The following NT5M variants were observed in gnomAD, a reference collection of about 807,000 sequenced individuals.
NT5M encodes 5'(3')-deoxyribonucleotidase, mitochondrial.
A neutral mutation model predicts 22.2 loss-of-function variants in NT5M; 22 were observed. The ratio of observed to expected loss-of-function variants is 0.99; its 90% confidence interval spans 0.71 to 1.41. The LOEUF is 1.41. NT5M is among the 40% of genes most tolerant of loss of function. The probability of loss-of-function intolerance (pLI) is 0.00; values close to 1 mark genes in which losing one functional copy is unlikely to be tolerated. For synonymous variants in NT5M, 167 were observed against 133.0 expected, an observed-to-expected ratio of 1.26 and a Z score of -1.76; for missense variants, 322 against 314.8, an observed-to-expected ratio of 1.02 and a Z score of -0.17.
At chr17:17,341,978 C>T (rs764531037) in intron 3 of NT5M, among the ~76,000 whole-genome samples, 1 of 151,992 alleles carries the variant, frequency 6.6e-6, no homozygotes, top group Non-Finnish European at 1.5e-5. Context: ...TTGCAGTGAG[C>T]CGAGATCGTG....
At chr17:17,331,962 A>G (rs994920021) in intron 3 of NT5M, among the ~76,000 whole-genome samples, 18 of 151,162 alleles carry the variant, frequency 1.2e-4, no homozygotes, top group Non-Finnish European at 7.4e-5. Flanking sequence ...TTGTATTTTT[A>G]GTAGAGGCAG....
intron 2 of NT5M, among the ~76,000 whole-genome samples, chr17:17,321,397 C>T (rs1445604525): frequency 2.0e-5 from 3 of 151,698 alleles, no homozygotes; most frequent in African/African-American, 7.3e-5. Context: ...CAGGTGGAGC[C>T]CAGGAGAAGG....
rs541523870 is a variant in NT5M at position 17,308,772 on chromosome 17, C to T, written c.368+2129C>T. 3.3e-5 allele frequency among the ~76,000 whole-genome samples: 5 copies of T among 152,314 alleles called. No homozygotes were observed. The South Asian group carries it at 1.0e-3, about 32-fold the overall frequency. On this transcript the variant is annotated intron_variant, in intron 2 of 4. Transcript: ENST00000389022. The stretch of plus-strand genomic sequence containing the variant: ...CCCCCATTCCTGTGCTCCCTGCCAG[C>T]CCCTGGCAACCACTAATCTACTTTC...
intron 3 of NT5M, among the ~76,000 whole-genome samples, chr17:17,335,151 A>AATACAC (rs1247096264): frequency 6.6e-6 from 1 of 151,776 alleles, no homozygotes; most frequent in Non-Finnish European, 1.5e-5. Context: ...AATATTTTAT[A>AATACAC]ATGGTAAATA....
intron 3 of NT5M, among the ~76,000 whole-genome samples, chr17:17,342,101 A>T (rs2049656038): frequency 6.6e-6 from 1 of 152,240 alleles, no homozygotes; most frequent in Non-Finnish European, 1.5e-5. Context: ...TATAAAAGCT[A>T]AAAGTATAAA....
At chr17:17,308,050 CA>C (rs1193890550) in intron 2 of NT5M, among the ~76,000 whole-genome samples, 2 of 151,272 alleles carry the variant, frequency 1.3e-5, no homozygotes, top group Non-Finnish European at 3.0e-5. Flanking sequence ...AACTCTGTCT[CA>C]AAAAAAGAAT....
intron 3 of NT5M, among the ~76,000 whole-genome samples, chr17:17,329,479 A>C (rs1241042059): frequency 6.6e-6 from 1 of 152,108 alleles, no homozygotes; most frequent in Non-Finnish European, 1.5e-5. Context: ...CCCTAGAGAG[A>C]TTTGAAAATC....
At chr17:17,306,927 G>T (rs1004845491) in intron 2 of NT5M, among the ~76,000 whole-genome samples, 1 of 152,234 alleles carries the variant, frequency 6.6e-6, no homozygotes, top group Non-Finnish European at 1.5e-5. Context: ...CCCGGACGTG[G>T]TGGCTCATGC....
In NT5M at chr17:17,335,793, C is replaced by T. The variant is rs143380618; in HGVS notation, c.430-9001C>T. Among the ~76,000 whole-genome samples the T allele has an allele frequency of 7.9e-3, 1,207 of 151,840 alleles. 14 individuals carry two copies. The highest frequency in any genetic ancestry group is 0.027 in the African/African-American group (1,110 of 41,394). On this transcript the variant is annotated intron_variant, in intron 3 of 4. Transcript: ENST00000389022. ...AACTACAGGCACGTGCCACCATGTC[C>T]GGCTAATTTTTGTATTTTTAGTAGA...
intron 1 of NT5M, among the ~76,000 whole-genome samples, chr17:17,305,824 G>C (rs905133706): frequency 6.6e-6 from 1 of 152,060 alleles, no homozygotes; most frequent in Non-Finnish European, 1.5e-5. Context: ...GTTGGGGAGT[G>C]GGGAGGAGAG....
chr17:17,344,893 C>T lies in NT5M; in HGVS notation c.529C>T (p.Arg177Trp), dbSNP rs370539470. ...CTCTGCTGACCTTCTCATAGACGACCGGCCGGACATCACAGGCAAGTGGCC... is the reference window on the plus strand; with the variant it reads ...CTCTGCTGACCTTCTCATAGACGACTGGCCGGACATCACAGGCAAGTGGCC... ...VVSADLLIDD[R>W]PDITGAEPTP... The change falls in exon 4 of 5, where the codon CGG becomes TGG. Residue 177 changes from arginine (R) to tryptophan (W), a missense_variant. Transcript: ENST00000389022. The T allele has an allele frequency of 1.2e-4, 187 of 1,614,170 alleles. 1 individual carries two copies. The East Asian group carries it at 2.0e-3, about 17-fold the overall frequency.
chr17:17,308,118 G>A (rs977532350), intron 2 of NT5M, among the ~76,000 whole-genome samples: 8 of 152,186 alleles, frequency 5.3e-5, no homozygotes, highest in Non-Finnish European at 8.8e-5. Flanking sequence ...GAGGTTCAGC[G>A]GGAAACTTCA....
Position 17,346,890 on chromosome 17 carries a change from G to A in NT5M, c.630G>A (p.Arg210=). 1 of 1,610,878 alleles carries A rather than the reference G, an allele frequency of 6.2e-7. No individual in the cohort carries two copies. Among genetic ancestry groups the A allele is most frequent in the Non-Finnish European group, 8.5e-7 (1 of 1,179,946 alleles). ...TGCAGCTGCAGCCCCCCCGCCGCAG[G>A]CTGCACTCGTGGGCGGACGACTGGA... ...QHLQLQPPRR[R]LHSWADDWKA... is the part of the protein sequence containing the mutation. Residue 210 remains arginine, a synonymous_variant, in exon 5 of 5, where the codon AGG becomes AGA. Transcript: ENST00000389022.
At chr17:17,340,288 C>T (rs917327898) in intron 3 of NT5M, among the ~76,000 whole-genome samples, 18 of 152,022 alleles carry the variant, frequency 1.2e-4, no homozygotes, top group Non-Finnish European at 1.6e-4. Context: ...TAGTAGCCAC[C>T]GATGATTGTT....
chr17:17,311,974 C>T (rs758453951), intron 2 of NT5M, among the ~76,000 whole-genome samples: 1 of 152,230 alleles, frequency 6.6e-6, no homozygotes, highest in Non-Finnish European at 1.5e-5. Context: ...TCCTGGGGAG[C>T]TGCAGGGCAC....
intron 3 of NT5M, among the ~76,000 whole-genome samples, chr17:17,342,693 A>C (rs572322795): frequency 6.6e-6 from 1 of 152,252 alleles, no homozygotes; most frequent in African/African-American, 2.4e-5. Context: ...TCTGCCTGGA[A>C]TGTTCTTGCC....
chr17:17,327,215 G>A lies in NT5M; in HGVS notation c.429+3970G>A, dbSNP rs1177167165. ...AGGTGAGCCACCACACCCAGCCCTC[G>A]TTTTTCTTTGATGCGTATTAAATAT... On this transcript the variant is annotated intron_variant, in intron 3 of 4. Coordinates refer to ENST00000389022, the MANE Select transcript of NT5M (RefSeq NM_020201.4). Among the ~76,000 whole-genome samples the A allele has an allele frequency of 3.1e-4, 32 of 103,516 alleles. 10 individuals carry two copies. The highest frequency in any genetic ancestry group is 4.0e-4 in the African/African-American group (12 of 29,946). 67.9% of individuals were successfully genotyped at this position (103,516 alleles called of 152,430 possible).
chr17:17,313,629 C>T (rs993823442), intron 2 of NT5M, among the ~76,000 whole-genome samples: 2 of 152,208 alleles, frequency 1.3e-5, no homozygotes, highest in East Asian at 3.8e-4. Context: ...AGCCTCATCC[C>T]AGGGGCTGCG....
rs1470476462 is a variant in NT5M, at chr17:17,347,017, C to A, written c.*70C>A. The A allele has an allele frequency of 6.4e-7, 1 of 1,570,882 alleles. No individual in the cohort carries two copies. The highest frequency in any genetic ancestry group is 8.6e-7 in the Non-Finnish European group (1 of 1,161,266). ...GCTCCCAGCTCGGGGCCTGTGGGGC[C>A]AGTATGCTGGTCTGGGAGTCCCTCC... On this transcript the variant is annotated 3_prime_UTR_variant, in exon 5 of 5. Transcript: ENST00000389022.
Sources: gnomAD v4.1 joint callset for allele counts (sites outside exome capture counted in the v4.1 genomes callset) on GRCh38, gnomAD v4.1.1 for gene constraint, MANE v1.5 for transcripts, NCBI Gene and HGNC (gene_info 2026-07-23, HGNC 2026-07-21) for gene names.